The following GCKR variants were observed in gnomAD, a reference collection of about 807,000 sequenced individuals.
GCKR encodes the protein glucokinase regulator.
GCKR carries 73 observed loss-of-function variants against 82.9 expected under a neutral mutation model. The ratio of observed to expected loss-of-function variants is 0.88; its 90% CI spans 0.73 to 1.07. The LOEUF (loss-of-function observed/expected upper bound fraction) is 1.07. Among genes scored for constraint, GCKR ranks in the 50% least tolerant of loss-of-function variants. GCKR has a pLI of 0.00. For missense variants in GCKR, 784 were observed against 782.1 expected, an observed-to-expected ratio of 1.00 and a Z score of -0.03; for synonymous variants, 294 against 291.8, an observed-to-expected ratio of 1.01 and a Z score of -0.08.
At chr2:27,509,789 A>AC (rs1669838010) in intron 16 of GCKR, 1 of 160,620 alleles carries the variant, frequency 6.2e-6, no homozygotes, top group African/African-American at 2.4e-5. Flanking sequence ...AAAAAAAAAA[A>AC]AACACTCTAA....
At chr2:27,506,978 T>C in intron 12 of GCKR, 93 bp downstream of exon 12, 1 of 857,024 alleles carries the variant, frequency 1.2e-6, no homozygotes, top group Non-Finnish European at 2.0e-6. Context: ...AACCCATGGG[T>C]GTTCCTCAGT....
At chr2:27,501,281 T>C (rs747619870) in intron 8 of GCKR, 52 bp downstream of exon 8, 2 of 1,128,810 alleles carry the variant, frequency 1.8e-6, no homozygotes, top group Non-Finnish European at 2.7e-6. Flanking sequence ...GAGGGGAACA[T>C]GTCAAAGTCT....
chr2:27,509,061 A>G lies in GCKR; in HGVS notation c.1422+810A>G, dbSNP rs550990579. 3.3e-5 allele frequency among the ~76,000 whole-genome samples: 5 copies of G among 152,280 alleles called. No homozygotes were observed. The East Asian group carries it at 9.7e-4, about 29-fold the overall frequency. On this transcript the variant is annotated intron_variant, in intron 16 of 18. Transcript: ENST00000264717. The stretch of plus-strand genomic sequence containing the variant: ...CATTGGGAGCTCTGGATGCCGGTCT[A>G]GCTCTACAGTGTGGCCCAAGAAAGC...
At chr2:27,505,429 A>AG (rs1313236303) in intron 9 of GCKR, among the ~76,000 whole-genome samples, 1 of 151,350 alleles carries the variant, frequency 6.6e-6, no homozygotes, top group Non-Finnish European at 1.5e-5. Flanking sequence ...AGAAAAAAAA[A>AG]GAAAACAAAG....
Position 27,513,940 on chromosome 2 carries a change from TGTGTGTG to T in GCKR, c.1423-4847_1423-4841del, listed in dbSNP as rs1669946548. 5.3e-5 allele frequency among the ~76,000 whole-genome samples: 8 copies of T among 150,132 alleles called. No individual in the cohort carries two copies. The East Asian group carries it at 9.7e-4, about 18-fold the overall frequency. ...GTGTGTGTGTGTGTGTGTGTGTGTG[TGTGTGTG>T]TAACAATAGTTTGCCCTGTCAATCT... On this transcript the variant is annotated intron_variant, in intron 16 of 18. Coordinates refer to ENST00000264717, the MANE Select transcript of GCKR (RefSeq NM_001486.4).
In GCKR at chr2:27,505,721, G is replaced by A. The variant is rs183894823; in HGVS notation, c.754G>A (p.Glu252Lys). The A allele has an allele frequency of 1.3e-4, 210 of 1,589,370 alleles. 1 individual carries two copies. In the East Asian group the frequency reaches 4.2e-3, roughly 32 times the overall value. Residue 252 changes from glutamate (E) to lysine (K), a missense_variant, in exon 10 of 19, where the codon GAG (glutamate) becomes AAG (lysine). Coordinates refer to ENST00000264717, the MANE Select transcript of GCKR (RefSeq NM_001486.4). ...TTGGGTGTCTTCACCTCTTCAGCCC[G>A]AGGGTCTCAGCGGCTCCTCCCGGAT... ...AFVLNPAIGP[E>K]GLSGSSRMKG...
chr2:27,496,932 G>A lies in GCKR; in HGVS notation c.28G>A (p.Val10Ile). The A allele has an allele frequency of 6.2e-7, 1 of 1,613,844 alleles. No individual in the cohort carries two copies. Among genetic ancestry groups the A allele is most frequent in the Non-Finnish European group, 8.5e-7 (1 of 1,179,718 alleles). MPGTKRFQH[V>I]IETPEPGKWE... ...GCCAGGCACAAAACGGTTTCAACAT[G>A]TCATTGAGACCCCGGAGCCTGGCAA... The change falls in exon 1 of 19, where the codon GTC becomes ATC. Residue 10 changes from valine to isoleucine, a missense_variant. Transcript: ENST00000264717.
chr2:27,501,459 A>G (rs1669575223), intron 8 of GCKR, among the ~76,000 whole-genome samples: 1 of 152,258 alleles, frequency 6.6e-6, no homozygotes, highest in Non-Finnish European at 1.5e-5. Context: ...AAGGATGCAT[A>G]AAATATAAGA....
intron 13 of GCKR, 114 bp from the exon 14 acceptor site, chr2:27,507,567 C>A: frequency 1.3e-6 from 1 of 745,726 alleles, no homozygotes; most frequent in South Asian, 1.5e-5. Flanking sequence ...TGAACTTCAG[C>A]TCTTTCACCT....
At chr2:27,519,595 C>T (rs1406266483) in intron 17 of GCKR, among the ~76,000 whole-genome samples, 2 of 152,214 alleles carry the variant, frequency 1.3e-5, no homozygotes, top group East Asian at 3.8e-4. Context: ...AGTCACTGCA[C>T]CCGGCCGTTG....
rs200225266 is a variant in GCKR, at chr2:27,507,967, C to T, written c.1241-10C>T. The T allele has an allele frequency of 3.2e-5, 51 of 1,594,156 alleles. No individual in the cohort carries two copies. The Middle Eastern group carries it at 1.0e-3, about 31-fold the overall frequency. Reference sequence around the variant, plus strand: ...AGCCTTTCGACTCTGATGCCCTCCCCTTCTCCTAGACAACCTCACGGAGGT... The same window carrying T: ...AGCCTTTCGACTCTGATGCCCTCCCTTTCTCCTAGACAACCTCACGGAGGT... On this transcript the variant is annotated splice_polypyrimidine_tract_variant and intron_variant, in intron 14 of 18. Transcript: ENST00000264717.
intron 16 of GCKR, among the ~76,000 whole-genome samples, chr2:27,514,653 T>C (rs1669962875): frequency 1.3e-5 from 2 of 152,242 alleles, no homozygotes; most frequent in East Asian, 1.9e-4. Flanking sequence ...GTAGGACATA[T>C]AGGTTTCCCA....
chr2:27,510,075 C>T (rs1032584349), intron 16 of GCKR, among the ~76,000 whole-genome samples: 1 of 151,494 alleles, frequency 6.6e-6, no homozygotes, highest in Non-Finnish European at 1.5e-5. Flanking sequence ...GTGGCGCGAT[C>T]TCCGCTCACT....
intron 7 of GCKR, among the ~76,000 whole-genome samples, chr2:27,499,903 G>A (rs994862704): frequency 6.8e-6 from 1 of 146,176 alleles, no homozygotes; most frequent in Non-Finnish European, 1.5e-5. Flanking sequence ...GATCACAAGC[G>A]CCCACCACAA....
Position 27,523,208 on chromosome 2 carries a change from G to A in GCKR, c.1708-61G>A, listed in dbSNP as rs183019519. Reference sequence around the variant, plus strand: ...GCCACTGCGCCCGACCTTCCTCCGGGGTTCTTTCTCTGATGACCTCATTCC... The same window carrying A: ...GCCACTGCGCCCGACCTTCCTCCGGAGTTCTTTCTCTGATGACCTCATTCC... On this transcript the variant is annotated intron_variant, in intron 18 of 18. Coordinates refer to ENST00000264717, the MANE Select transcript of GCKR (RefSeq NM_001486.4). 6.9e-6 allele frequency: 10 copies of A among 1,453,182 alleles called. No individual in the cohort carries two copies. The Admixed American group carries it at 8.4e-5, about 12-fold the overall frequency. The allele number at this position is 1,453,182 out of a possible 1,614,324, so 90.0% of individuals were successfully genotyped here.
intron 17 of GCKR, among the ~76,000 whole-genome samples, chr2:27,520,134 G>A (rs1050783921): frequency 6.6e-6 from 1 of 152,008 alleles, no homozygotes; most frequent in African/African-American, 2.4e-5. Context: ...TGGATGTCCT[G>A]TATTTTTATT....
intron 16 of GCKR, among the ~76,000 whole-genome samples, chr2:27,517,461 C>T (rs62131877): frequency 0.077 from 11,653 of 152,100 alleles, 592 homozygotes; most frequent in African/African-American, 0.15. Flanking sequence ...GAAGGGGGAA[C>T]AGCCCCCTTA....
Position 27,498,759 on chromosome 2 carries a change from G to T in GCKR, c.390G>T (p.Gln130His), listed in dbSNP as rs772929772. Residue 130 changes from glutamine (Q) to histidine (H), a missense_variant, in exon 5 of 19, where the codon CAG (glutamine) becomes CAT (histidine). Transcript: ENST00000264717. Reference protein sequence around the residue: ...SFNQLMKGLGQKPLYTYLIAG... With the variant: ...SFNQLMKGLGHKPLYTYLIAG... ...ATCAGCTGATGAAAGGTCTGGGACA[G>T]AAACCTCTTTACACCTACCTCATTG... 8 of 1,610,050 alleles carry T rather than the reference G, an allele frequency of 5.0e-6. No homozygotes were observed. The highest frequency in any genetic ancestry group is 4.3e-6 in the Non-Finnish European group (5 of 1,176,290).
At chr2:27,522,681 AG>A in intron 18 of GCKR, 87 bp downstream of exon 18, 1 of 1,118,558 alleles carries the variant, frequency 8.9e-7, no homozygotes, top group Non-Finnish European at 1.4e-6. Flanking sequence ...GGGTTTACAA[AG>A]CTCAGTGGCA....
Sources: allele counts gnomAD v4.1 joint callset (sites outside exome capture counted in the v4.1 genomes callset), GRCh38; gene constraint gnomAD v4.1.1; transcripts MANE v1.5; gene names NCBI Gene and HGNC (gene_info 2026-07-23, HGNC 2026-07-21).